ZNF618: variants seen among roughly 807,000 people sequenced by gnomAD.
ZNF618 encodes the protein zinc finger protein 618.
ZNF618 carries 34 observed loss-of-function variants against 103.0 expected under a neutral mutation model. The observed-to-expected ratio is 0.33, with a 90% confidence interval of 0.25 to 0.44. The LOEUF (loss-of-function observed/expected upper bound fraction) is 0.44, where lower values mean the gene tolerates loss of function less well. Among genes scored for constraint, ZNF618 ranks in the 20% least tolerant of loss-of-function variants. The pLI is 1.00. For missense variants in ZNF618, 1,059 were observed against 1,295.4 expected (o/e 0.82, Z 2.80); for synonymous variants, 551 against 542.2 (o/e 1.02, Z -0.23).
At chr9:114,033,890 T>G (rs1844337540) in intron 12 of ZNF618, among the ~76,000 whole-genome samples, 1 of 152,156 alleles carries the variant, frequency 6.6e-6, no homozygotes, top group Admixed American at 6.5e-5. Context: ...ATCACAACTG[T>G]CGGGGACCCT....
At position 114,054,222 on chromosome 9, in the gene ZNF618, A is replaced by G. The variant is rs564030652; in HGVS notation, c.*4055A>G. The G allele has an allele frequency of 6.6e-6, 1 of 152,666 alleles. No homozygotes were observed. The highest frequency in any genetic ancestry group is 1.5e-5 in the Non-Finnish European group (1 of 68,058). 9.5% of individuals were successfully genotyped at this position (152,666 alleles called of 1,614,324 possible). A position where few individuals can be genotyped will look rare whatever the true frequency, so the allele number is the denominator to read the frequency against. ...CCTGGACTTGAGCTGGACTCCTTGA[A>G]GAGTGGGCTTCTGGAGAGATGTTAG... is the stretch of plus-strand genomic sequence containing the variant. On this transcript the variant is annotated 3_prime_UTR_variant, in exon 15 of 15. Transcript: ENST00000374126.
At chr9:113,914,944 T>C (rs1467922747) in intron 1 of ZNF618, among the ~76,000 whole-genome samples, 3 of 152,214 alleles carry the variant, frequency 2.0e-5, no homozygotes, top group Non-Finnish European at 2.9e-5. Flanking sequence ...GCATAGCCCC[T>C]GATCCTTTGA....
intron 1 of ZNF618, among the ~76,000 whole-genome samples, chr9:113,917,118 G>A (rs759373763): frequency 7.9e-5 from 12 of 151,948 alleles, no homozygotes; most frequent in Non-Finnish European, 1.5e-4. Flanking sequence ...ACCAGACATT[G>A]CAGCCTCAGG....
At chr9:114,011,863 G>A (rs371459640) in intron 9 of ZNF618, among the ~76,000 whole-genome samples, 7 of 152,298 alleles carry the variant, frequency 4.6e-5, no homozygotes, top group African/African-American at 1.2e-4. Context: ...GGGTTAACTC[G>A]CTCTTCATCT....
intron 1 of ZNF618, among the ~76,000 whole-genome samples, chr9:113,964,264 T>G (rs1011578168): frequency 6.6e-6 from 1 of 152,206 alleles, no homozygotes; most frequent in African/African-American, 2.4e-5. Flanking sequence ...GAAAGGCATT[T>G]CATTCTTCGA....
intron 1 of ZNF618, among the ~76,000 whole-genome samples, chr9:113,888,562 C>T (rs543262261): frequency 6.6e-6 from 1 of 152,370 alleles, no homozygotes; most frequent in East Asian, 1.9e-4. Context: ...TGCTTGGAGC[C>T]AAGAGCTCTG....
chr9:114,047,974 A>G lies in ZNF618; in HGVS notation c.1328A>G (p.Gln443Arg). Reference protein sequence around the residue: ...VVEEKWKPQAQRNSANNTTTS... With the variant: ...VVEEKWKPQARRNSANNTTTS... ...GAAGAGAAGTGGAAACCTCAGGCCC[A>G]GAGGAACAGTGCCAATAACAGTAGG... The change falls in exon 14 of 15, where the codon CAG (glutamine) becomes CGG (arginine). Residue 443 changes from glutamine (Q) to arginine (R), a missense_variant. Gln to Arg is a conservative substitution (Grantham distance 43). Around this residue, in one of 6 missense-constraint regions of ZNF618, gnomAD observed 434 missense variants for 476.0 expected, o/e 0.91. Transcript: ENST00000374126. 1.3e-6 allele frequency: 2 copies of G among 1,592,010 alleles called. No homozygotes were observed. Among genetic ancestry groups the G allele is most frequent in the Non-Finnish European group, 1.7e-6 (2 of 1,169,230 alleles).
chr9:113,983,949 T>G (rs1839210370), intron 2 of ZNF618, among the ~76,000 whole-genome samples: 1 of 152,150 alleles, frequency 6.6e-6, no homozygotes, highest in Non-Finnish European at 1.5e-5. Flanking sequence ...CAGTGCCTGC[T>G]TACTAGAAGG....
chr9:114,011,784 A>G (rs1188516885), intron 9 of ZNF618, among the ~76,000 whole-genome samples: 1 of 152,226 alleles, frequency 6.6e-6, no homozygotes, highest in African/African-American at 2.4e-5. Flanking sequence ...CTTAGGTTGG[A>G]AGAAGCCCAG....
chr9:113,923,606 A>G (rs1832833653), intron 1 of ZNF618, among the ~76,000 whole-genome samples: 1 of 152,146 alleles, frequency 6.6e-6, no homozygotes, highest in South Asian at 2.1e-4. Context: ...CAAGTGGTAA[A>G]CCAGTCTTGA....
At chr9:113,906,227 GT>G (rs1448762230) in intron 1 of ZNF618, among the ~76,000 whole-genome samples, 1 of 152,130 alleles carries the variant, frequency 6.6e-6, no homozygotes, top group Non-Finnish European at 1.5e-5. Context: ...AGGCTGCGCT[GT>G]TTTATATTTC....
At chr9:113,904,829 TC>T (rs1239514314) in intron 1 of ZNF618, among the ~76,000 whole-genome samples, 1 of 152,158 alleles carries the variant, frequency 6.6e-6, no homozygotes, top group Non-Finnish European at 1.5e-5. Flanking sequence ...GTTGCCCATC[TC>T]TCTGGCTCTC....
chr9:113,953,053 G>A (rs1835920380), intron 1 of ZNF618, among the ~76,000 whole-genome samples: 1 of 152,160 alleles, frequency 6.6e-6, no homozygotes, highest in South Asian at 2.1e-4. Context: ...GCAACTACAT[G>A]CAATATAAAA....
At chr9:113,978,653 A>G (rs1012006823) in intron 2 of ZNF618, among the ~76,000 whole-genome samples, 47 of 152,296 alleles carry the variant, frequency 3.1e-4, no homozygotes, top group African/African-American at 1.0e-3. Flanking sequence ...AGGTGTTTTT[A>G]TTATTTTCTC....
intron 3 of ZNF618, among the ~76,000 whole-genome samples, chr9:113,992,853 G>A (rs961700844): frequency 7.2e-5 from 11 of 152,316 alleles, no homozygotes; most frequent in Non-Finnish European, 2.9e-5. Context: ...CAGTGCCCAG[G>A]AGGCTGGCTG....
At chr9:113,973,969 C>T (rs1446216269) in intron 2 of ZNF618, among the ~76,000 whole-genome samples, 1 of 152,118 alleles carries the variant, frequency 6.6e-6, no homozygotes, top group Non-Finnish European at 1.5e-5. Flanking sequence ...AAGAAAAAAT[C>T]AAATCTCATC....
Position 113,884,855 on chromosome 9 carries a change from C to T in ZNF618, c.33+8442C>T, listed in dbSNP as rs1472225925. On this transcript the variant is annotated intron_variant, in intron 1 of 14. Coordinates refer to ENST00000374126, the MANE Select transcript of ZNF618 (RefSeq NM_001318042.2). ...TTGGGAAGAAGGTGGAGTGACTTAC[C>T]CAAGACCTCAGTGAACAAGCGGAAG... Among the ~76,000 whole-genome samples, 6 of 149,916 alleles carry T rather than the reference C, an allele frequency of 4.0e-5. No homozygotes were observed. In the East Asian group the frequency reaches 1.2e-3, roughly 29 times the overall value.
chr9:113,883,982 G>GCCGCCCCCCCCCCC lies in ZNF618; in HGVS notation c.33+7571_33+7572insGCCCCCCCCCCCCC, dbSNP rs1268932490. Among the ~76,000 whole-genome samples the GCCGCCCCCCCCCCC allele has an allele frequency of 4.7e-4, 14 of 29,714 alleles. 6 individuals carry two copies. Among genetic ancestry groups the GCCGCCCCCCCCCCC allele is most frequent in the Non-Finnish European group, 6.5e-4 (11 of 16,848 alleles). The allele number at this position is 29,714 out of a possible 152,430, so 19.5% of individuals were successfully genotyped here. On this transcript the variant is annotated intron_variant, in intron 1 of 14. Coordinates refer to ENST00000374126, the MANE Select transcript of ZNF618 (RefSeq NM_001318042.2). ...TTTACCTCACTTTTCTCTGGGCTTG[G>GCCGCCCCCCCCCCC]CCCCCCCCCCCCCCCCCCCCGCCCT...
chr9:113,986,005 G>A (rs1839438621), intron 2 of ZNF618, among the ~76,000 whole-genome samples: 1 of 152,190 alleles, frequency 6.6e-6, no homozygotes. Flanking sequence ...CCGTGGAGAA[G>A]GGCAAAAGCT....
Sources: gnomAD v4.1 joint callset for allele counts (sites outside exome capture counted in the v4.1 genomes callset) on GRCh38, gnomAD v4.1.1 for gene constraint, gnomAD v4.1.1 regional missense constraint, MANE v1.5 for transcripts, NCBI Gene and HGNC (gene_info 2026-07-23, HGNC 2026-07-21) for gene names.